The following KDM3B variants were observed in gnomAD, a reference collection of about 807,000 sequenced individuals.
KDM3B encodes lysine demethylase 3B.
A neutral mutation model predicts 170.0 loss-of-function variants in KDM3B; 10 were observed. That is an observed-to-expected ratio of 0.06 (90% confidence interval 0.04 to 0.10). The LOEUF (loss-of-function observed/expected upper bound fraction) is 0.10. Ranked by LOEUF, KDM3B falls within the 10% of genes least tolerant of loss-of-function variation. The pLI is 1.00. For missense variants in KDM3B, 1,394 were observed against 2,195.2 expected (o/e 0.64, Z 7.29); for synonymous variants, 831 against 834.8 (o/e 1.00, Z 0.08).
chr5:138,421,758 T>C (rs553710222), intron 15 of KDM3B, among the ~76,000 whole-genome samples: 2 of 152,274 alleles, frequency 1.3e-5, no homozygotes, highest in South Asian at 2.1e-4. Flanking sequence ...TATCTTAACC[T>C]CTGCCTGAAA....
intron 11 of KDM3B, among the ~76,000 whole-genome samples, chr5:138,412,333 C>T (rs1430987969): frequency 2.0e-5 from 3 of 150,364 alleles, no homozygotes; most frequent in African/African-American, 7.3e-5. Flanking sequence ...GAGACCCCGT[C>T]TCCAAAAAAA....
chr5:138,374,241 C>T (rs1246722267), intron 2 of KDM3B: 13 of 426,578 alleles, frequency 3.0e-5, no homozygotes, highest in Middle Eastern at 3.4e-4. Context: ...TGAGCCACTA[C>T]GCCCAGCCGT....
chr5:138,372,064 G>C (rs1180583944), intron 1 of KDM3B, among the ~76,000 whole-genome samples: 1 of 152,126 alleles, frequency 6.6e-6, no homozygotes, highest in East Asian at 1.9e-4. Context: ...AGTGAGCTGA[G>C]ATCACGCCAT....
Position 138,420,724 on chromosome 5 carries a change from C to G in KDM3B, c.3734C>G (p.Ser1245Trp), listed in dbSNP as rs1035665141. 8 of 1,613,952 alleles carry G rather than the reference C, an allele frequency of 5.0e-6. No homozygotes were observed. The highest frequency in any genetic ancestry group is 5.9e-6 in the Non-Finnish European group (7 of 1,180,036). Residue 1245 changes from serine (S) to tryptophan (W), a missense_variant, in exon 15 of 24, where the codon TCG becomes TGG. Physicochemically the swap from Ser to Trp is radical, Grantham distance 177. This residue lies in a region of KDM3B where 137 missense variants were observed against 166.9 expected (regional missense o/e 0.82). Transcript: ENST00000314358. Reference protein sequence around the residue: ...EETKEAGSLRSVLNKESHSPF... With the variant: ...EETKEAGSLRWVLNKESHSPF... ...CTTACAGAAGCAGGGTCCCTGAGGT[C>G]GGTGCTCAATAAAGAGTCTCATTCA...
intron 1 of KDM3B, among the ~76,000 whole-genome samples, chr5:138,367,479 A>T (rs1034865839): frequency 6.6e-5 from 10 of 152,176 alleles, no homozygotes; most frequent in Admixed American, 5.2e-4. Flanking sequence ...TTTTATTTTT[A>T]AAAAACTTAT....
chr5:138,416,322 G>A (rs1295851472), intron 12 of KDM3B, among the ~76,000 whole-genome samples: 1 of 152,080 alleles, frequency 6.6e-6, no homozygotes, highest in Non-Finnish European at 1.5e-5. Flanking sequence ...AGGCATGGTG[G>A]CTCACACCTG....
intron 4 of KDM3B, among the ~76,000 whole-genome samples, chr5:138,379,070 A>G (rs1762066010): frequency 6.6e-6 from 1 of 152,190 alleles, no homozygotes; most frequent in Admixed American, 6.5e-5. Context: ...TTATTAGTGC[A>G]GAAGGCTGGA....
intron 1 of KDM3B, among the ~76,000 whole-genome samples, chr5:138,365,952 C>G (rs181637614): frequency 4.1e-4 from 63 of 152,166 alleles, no homozygotes; most frequent in African/African-American, 1.5e-3. Context: ...GAGCCTAGAT[C>G]GCGTCATTGT....
At position 138,419,712 on chromosome 5, in the gene KDM3B, TATATATACACACACATACAC is replaced by T. The variant is rs1468579268; in HGVS notation, c.3715+482_3715+501del. ...ATACATATATATATACACACACACATATATATACACACACATACACACACACACACACACACACACACACA... is the reference window on the plus strand; with the variant it reads ...ATACATATATATATACACACACACATACACACACACACACACACACACACA... On this transcript the variant is annotated intron_variant, in intron 14 of 23. Transcript: ENST00000314358. Among the ~76,000 whole-genome samples the T allele has an allele frequency of 6.0e-3, 544 of 90,280 alleles. 1 individual carries two copies. The highest frequency in any genetic ancestry group is 0.024 in the African/African-American group (506 of 21,204). The allele number at this position is 90,280 out of a possible 152,430, so 59.2% of individuals were successfully genotyped here. A position where few individuals can be genotyped will look rare whatever the true frequency, so the allele number is the denominator to read the frequency against.
chr5:138,424,955 T>A (rs1427509582), intron 16 of KDM3B, among the ~76,000 whole-genome samples: 1 of 152,192 alleles, frequency 6.6e-6, no homozygotes, highest in East Asian at 1.9e-4. Context: ...GATTTTAAGA[T>A]GGGGCAGAGA....
Position 138,420,717 on chromosome 5 carries a change from C to T in KDM3B, c.3727C>T (p.Leu1243=). Residue 1243 remains leucine, a synonymous_variant, in exon 15 of 24, where the codon CTG becomes TTG. Coordinates refer to ENST00000314358, the MANE Select transcript of KDM3B (RefSeq NM_016604.4). ...AKEETKEAGS[L]RSVLNKESHS... is the part of the protein sequence containing the mutation. ...TTATGTTCTTACAGAAGCAGGGTCC[C>T]TGAGGTCGGTGCTCAATAAAGAGTC... 6.2e-7 allele frequency: 1 copy of T among 1,614,082 alleles called. No individual in the cohort carries two copies. The highest frequency in any genetic ancestry group is 8.5e-7 in the Non-Finnish European group (1 of 1,180,032).
intron 6 of KDM3B, among the ~76,000 whole-genome samples, chr5:138,384,740 CAAA>C (rs58389517): frequency 5.8e-5 from 5 of 85,952 alleles, no homozygotes; most frequent in Admixed American, 2.3e-4. Flanking sequence ...ACTCTTGTCT[CAAA>C]AAAAAAAAAA....
intron 9 of KDM3B, among the ~76,000 whole-genome samples, chr5:138,397,580 G>A (rs1241049221): frequency 6.6e-6 from 1 of 152,044 alleles, no homozygotes; most frequent in Admixed American, 6.6e-5. Context: ...GTTCATGCCT[G>A]TAATCCCAGC....
chr5:138,369,162 C>A (rs1432599424), intron 1 of KDM3B, among the ~76,000 whole-genome samples: 1 of 152,142 alleles, frequency 6.6e-6, no homozygotes, highest in African/African-American at 2.4e-5. Context: ...TGGTAGAGTA[C>A]TGTGTCACTC....
At chr5:138,353,685 C>CT (rs980592088) in intron 1 of KDM3B, among the ~76,000 whole-genome samples, 1 of 152,112 alleles carries the variant, frequency 6.6e-6, no homozygotes, top group African/African-American at 2.4e-5. Context: ...CTGGGTAGTG[C>CT]TTTTTGCTCC....
intron 19 of KDM3B, among the ~76,000 whole-genome samples, chr5:138,427,755 G>C (rs1295888426): frequency 6.6e-6 from 1 of 152,148 alleles, no homozygotes; most frequent in Non-Finnish European, 1.5e-5. Context: ...TTGTTTTTTG[G>C]AGGTAGATTT....
In KDM3B at chr5:138,391,619, G is replaced by C. The variant is rs1580909478; in HGVS notation, c.1987G>C (p.Ala663Pro). ...ASQASGSSSS[A>P]TTVTSKVAPS... Reference sequence around the variant, plus strand: ...TCAGGCATCAGGTAGCTCCTCTTCTGCTACCACTGTCACCTCCAAGGTGGC... The same window carrying C: ...TCAGGCATCAGGTAGCTCCTCTTCTCCTACCACTGTCACCTCCAAGGTGGC... The change falls in exon 8 of 24, where the codon GCT (alanine) becomes CCT (proline). Residue 663 changes from alanine to proline, a missense_variant. Ala to Pro is a conservative substitution (Grantham distance 27). This residue lies in a region of KDM3B where 294 missense variants were observed against 311.7 expected (regional missense o/e 0.94). Transcript: ENST00000314358. The surrounding 1 kb of genome is among the most constrained non-coding windows in gnomAD (Gnocchi z 5.0). The C allele has an allele frequency of 6.2e-7, 1 of 1,614,030 alleles. No homozygotes were observed.
At chr5:138,362,804 A>G (rs1761647524) in intron 1 of KDM3B, among the ~76,000 whole-genome samples, 2 of 149,566 alleles carry the variant, frequency 1.3e-5, no homozygotes. Flanking sequence ...TTTGTTACAT[A>G]TGTATACATG....
In KDM3B at chr5:138,400,040, G is replaced by A. The variant is rs371627249; in HGVS notation, c.3199+28G>A. The A allele has an allele frequency of 5.4e-5, 87 of 1,610,582 alleles. 1 individual carries two copies. The highest frequency in any genetic ancestry group is 3.2e-4 in the Admixed American group (19 of 59,952). On this transcript the variant is annotated intron_variant, in intron 11 of 23. Transcript: ENST00000314358. ...AAGTAAACATTGTCCTGTGTAGCTC[G>A]AAAGGTAACGTGGAGGTATGTCCAA...
Sources: gnomAD v4.1 joint callset for allele counts (sites outside exome capture counted in the v4.1 genomes callset) on GRCh38, gnomAD v4.1.1 for gene constraint, gnomAD v4.1.1 regional missense constraint, Gnocchi (gnomAD v3.1) non-coding constraint, MANE v1.5 for transcripts, NCBI Gene and HGNC (gene_info 2026-07-23, HGNC 2026-07-21) for gene names.